FRAS1: variants seen among roughly 807,000 people sequenced by gnomAD.
FRAS1 encodes Fraser extracellular matrix complex subunit 1.
In FRAS1, 290 loss-of-function variants were observed where a neutral mutation model predicts 435.2. The observed-to-expected ratio is 0.67, with a 90% CI of 0.61 to 0.73. The LOEUF (loss-of-function observed/expected upper bound fraction) is 0.73, where lower values mean the gene tolerates loss of function less well. Ranked by LOEUF, FRAS1 falls within the 30% of genes least tolerant of loss-of-function variation. FRAS1 has a pLI of 0.00. For synonymous variants in FRAS1, 1,800 were observed against 1,851.0 expected (o/e 0.97, Z 0.71); for missense variants, 4,860 against 5,001.5 (o/e 0.97, Z 0.85).
At chr4:78,422,651 A>T (rs1000262855) in intron 34 of FRAS1, among the ~76,000 whole-genome samples, 1 of 152,200 alleles carries the variant, frequency 6.6e-6, no homozygotes, top group Non-Finnish European at 1.5e-5. Flanking sequence ...GGAGAGACAG[A>T]GGCCATACCT....
At chr4:78,419,610 G>T (rs1733689345) in intron 33 of FRAS1, among the ~76,000 whole-genome samples, 1 of 152,182 alleles carries the variant, frequency 6.6e-6, no homozygotes, top group African/African-American at 2.4e-5. Flanking sequence ...CCAGCCTTTA[G>T]ATCTCTTGAC....
intron 37 of FRAS1, among the ~76,000 whole-genome samples, chr4:78,431,027 C>A (rs1345136887): frequency 1.3e-5 from 2 of 152,148 alleles, no homozygotes; most frequent in Non-Finnish European, 2.9e-5. Context: ...TAATAGTCAG[C>A]CCTTATTCAT....
At chr4:78,514,321 C>T (rs17429816) in intron 65 of FRAS1, among the ~76,000 whole-genome samples, 21,337 of 152,298 alleles carry the variant, frequency 0.14, 1,790 homozygotes, top group Non-Finnish European at 0.2. Flanking sequence ...GTGTTCACCA[C>T]AGCAGACATT....
At chr4:78,538,009 T>C (rs907807421) in intron 72 of FRAS1, among the ~76,000 whole-genome samples, 47 of 151,774 alleles carry the variant, frequency 3.1e-4, no homozygotes, top group African/African-American at 1.1e-3. Context: ...CATAGCTTTA[T>C]GAGGCCAGAT....
intron 2 of FRAS1, among the ~76,000 whole-genome samples, chr4:78,168,113 G>C (rs1015172745): frequency 6.6e-6 from 1 of 151,860 alleles, no homozygotes; most frequent in Non-Finnish European, 1.5e-5. Flanking sequence ...CTGGCTTTTT[G>C]TGGGTCTTCA....
chr4:78,333,517 T>A, intron 19 of FRAS1, 105 bp downstream of exon 19: 3 of 1,215,474 alleles, frequency 2.5e-6, no homozygotes, highest in Non-Finnish European at 3.4e-6. Context: ...GGACTAAGAT[T>A]CAGCTGTAAA....
At position 78,333,388 on chromosome 4, in the gene FRAS1, T is replaced by C. The variant is rs769591677; in HGVS notation, c.2254T>C (p.Phe752Leu). 1.2e-5 allele frequency: 19 copies of C among 1,611,928 alleles called. 1 individual carries two copies. In the South Asian group the frequency reaches 2.0e-4, roughly 17 times the overall value. The part of the protein sequence containing the change: ...QCLSQCPDGY[F>L]HQEGSCTECH... ...CCTCTCCCAGTGCCCAGATGGCTAC[T>C]TTCACCAGGAAGGTAGTTGCACAGG... Residue 752 changes from phenylalanine to leucine, a missense_variant, in exon 19 of 74, where the codon TTT becomes CTT. Coordinates refer to ENST00000512123, the MANE Select transcript of FRAS1 (RefSeq NM_025074.7).
intron 33 of FRAS1, among the ~76,000 whole-genome samples, chr4:78,421,407 C>A (rs1560717762): frequency 1.3e-5 from 2 of 152,166 alleles, no homozygotes; most frequent in Non-Finnish European, 2.9e-5. Flanking sequence ...CTCAGCCTCC[C>A]AAAGTGTTGG....
intron 15 of FRAS1, among the ~76,000 whole-genome samples, chr4:78,311,564 G>A (rs1729023031): frequency 6.6e-6 from 1 of 152,190 alleles, no homozygotes; most frequent in Non-Finnish European, 1.5e-5. Context: ...AGCTCTAGAG[G>A]GAGTTTCCTG....
At chr4:78,537,223 G>T (rs772404491) in intron 72 of FRAS1, 23 bp downstream of exon 72, 1 of 1,604,274 alleles carries the variant, frequency 6.2e-7, no homozygotes, top group Admixed American at 1.7e-5. Context: ...CTCACTATTA[G>T]TGTTAAAGAG....
chr4:78,526,185 CA>C (rs1302162948), intron 69 of FRAS1, among the ~76,000 whole-genome samples: 3 of 152,160 alleles, frequency 2.0e-5, no homozygotes, highest in African/African-American at 7.2e-5. Context: ...AAACACTAAA[CA>C]GAAATTGTCA....
At chr4:78,080,589 C>T (rs1435952710) in intron 2 of FRAS1, among the ~76,000 whole-genome samples, 1 of 152,082 alleles carries the variant, frequency 6.6e-6, no homozygotes, top group East Asian at 1.9e-4. Context: ...TTGGAAAATA[C>T]TGTGTGAAAT....
At chr4:78,367,952 A>T (rs1035054312) in intron 22 of FRAS1, among the ~76,000 whole-genome samples, 2 of 152,220 alleles carry the variant, frequency 1.3e-5, no homozygotes, top group African/African-American at 4.8e-5. Context: ...AATTAATGTG[A>T]TACTCTGCTG....
At chr4:78,218,977 A>G (rs1482706022) in intron 2 of FRAS1, among the ~76,000 whole-genome samples, 1 of 152,228 alleles carries the variant, frequency 6.6e-6, no homozygotes, top group African/African-American at 2.4e-5. Flanking sequence ...TTCTATTCTT[A>G]TAGAGGGAAC....
intron 2 of FRAS1, among the ~76,000 whole-genome samples, chr4:78,114,241 A>G (rs1372209745): frequency 1.3e-5 from 2 of 152,244 alleles, no homozygotes; most frequent in East Asian, 1.9e-4. Flanking sequence ...GCCTTGTAGT[A>G]TAGTTTGAAG....
intron 3 of FRAS1, 99 bp from the exon 4 acceptor site, chr4:78,245,134 T>C (rs1758942119): frequency 2.6e-6 from 2 of 770,540 alleles, no homozygotes; most frequent in East Asian, 2.9e-5. Context: ...CAGAAACGCA[T>C]GAGATTTAGT....
chr4:78,220,501 A>G (rs1008066182), intron 2 of FRAS1, among the ~76,000 whole-genome samples: 4 of 152,202 alleles, frequency 2.6e-5, no homozygotes, highest in Non-Finnish European at 5.9e-5. Context: ...CGAGGTTGAG[A>G]CAAGTCCAGG....
rs1234251198 is a variant in FRAS1 at position 78,522,720 on chromosome 4, G to A, written c.10720G>A (p.Gly3574Arg). The A allele has an allele frequency of 1.2e-6, 2 of 1,611,898 alleles. No individual in the cohort carries two copies. Among genetic ancestry groups the A allele is most frequent in the Non-Finnish European group, 1.7e-6 (2 of 1,178,960 alleles). ...SFVLTPDHLG[G>R]IEFDLQLLWS... Reference sequence around the variant, plus strand: ...CGTATTGACTCCAGACCACCTAGGAGGAATTGAATTTGACTTGCAGCTATT... The same window carrying A: ...CGTATTGACTCCAGACCACCTAGGAAGAATTGAATTTGACTTGCAGCTATT... Residue 3574 changes from glycine to arginine, a missense_variant, in exon 69 of 74, where the codon GGA becomes AGA. Gly to Arg is a moderately radical substitution (Grantham distance 125). Transcript: ENST00000512123.
intron 56 of FRAS1, among the ~76,000 whole-genome samples, chr4:78,481,346 A>G (rs984003474): frequency 3.3e-5 from 5 of 152,218 alleles, no homozygotes; most frequent in African/African-American, 1.2e-4. Flanking sequence ...AATTAGAAAC[A>G]TTCAGCTTCA....
Sources: allele counts gnomAD v4.1 joint callset (sites outside exome capture counted in the v4.1 genomes callset), GRCh38; gene constraint gnomAD v4.1.1; transcripts MANE v1.5; gene names NCBI Gene and HGNC (gene_info 2026-07-23, HGNC 2026-07-21).